UBE2S: variants seen among roughly 807,000 people sequenced by gnomAD.
UBE2S encodes ubiquitin-conjugating enzyme E2 S.
A neutral mutation model predicts 12.3 loss-of-function variants in UBE2S; 3 were observed. The observed-to-expected ratio is 0.24, with a 90% CI of 0.11 to 0.63. The LOEUF (loss-of-function observed/expected upper bound fraction) is 0.63. Ranked by LOEUF, UBE2S falls within the 30% of genes least tolerant of loss-of-function variation. UBE2S has a pLI of 0.85. For missense variants in UBE2S, 211 were observed against 313.9 expected (o/e 0.67, Z 2.48); for synonymous variants, 133 against 142.0 (o/e 0.94, Z 0.45).
At position 55,404,430 on chromosome 19, in the gene UBE2S, C is replaced by T; in HGVS notation, c.200G>A (p.Gly67Glu). ...GGGTGGGGAGGCAGGGAAGTCCTTC[C>T]CCAGCAGGAGTTTCATGCGGAACAG... ...GGLFRMKLLL[G>E]KDFPASPPKG... Residue 67 changes from glycine (G) to glutamate (E), a missense_variant, in exon 3 of 4, where the codon GGG becomes GAG. Gly to Glu is a moderately conservative substitution (Grantham distance 98). This residue lies in a region of UBE2S where 127 missense variants were observed against 224.0 expected (regional missense o/e 0.57). Coordinates refer to ENST00000264552, the MANE Select transcript of UBE2S (RefSeq NM_014501.3). This position sits in a 1 kb window ranked among gnomAD's most constrained non-coding sequence, Gnocchi z 4.4. 2 of 1,612,756 alleles carry T rather than the reference C, an allele frequency of 1.2e-6. No homozygotes were observed. The highest frequency in any genetic ancestry group is 1.7e-6 in the Non-Finnish European group (2 of 1,179,240).
chr19:55,404,119 G>A lies in UBE2S; in HGVS notation c.342+169C>T. The A allele has an allele frequency of 2.4e-6, 2 of 837,358 alleles. No homozygotes were observed. Among genetic ancestry groups the A allele is most frequent in the Middle Eastern group, 3.6e-4 (1 of 2,746 alleles). The allele number at this position is 837,358 out of a possible 1,614,324, so 51.9% of individuals were successfully genotyped here. ...TCTCAACAGTACTTGGGTGTCCTGGGTCTGGCACTGTTTGTCTTTCCAGGA... is the reference window on the plus strand; with the variant it reads ...TCTCAACAGTACTTGGGTGTCCTGGATCTGGCACTGTTTGTCTTTCCAGGA... On this transcript the variant is annotated intron_variant, in intron 3 of 3. Coordinates refer to ENST00000264552, the MANE Select transcript of UBE2S (RefSeq NM_014501.3). This position sits in a 1 kb window ranked among gnomAD's most constrained non-coding sequence, Gnocchi z 4.4.
chr19:55,404,246 A>AGAGGCAGGAGGCAG lies in UBE2S; in HGVS notation c.342+28_342+41dup, dbSNP rs533831995. The stretch of plus-strand genomic sequence containing the variant: ...ATGGCTCAGACACCAGCAGACCTCC[A>AGAGGCAGGAGGCAG]GAGGCAGGAGGCAGGAGGCCCAGCC... On this transcript the variant is annotated intron_variant, in intron 3 of 3. Transcript: ENST00000264552. The surrounding 1 kb of genome is among the most constrained non-coding windows in gnomAD (Gnocchi z 4.4). The AGAGGCAGGAGGCAG allele has an allele frequency of 2.7e-3, 4,269 of 1,608,154 alleles. 103 individuals carry two copies. In the African/African-American group the frequency reaches 0.049, roughly 19 times the overall value.
intron 2 of UBE2S, among the ~76,000 whole-genome samples, chr19:55,405,941 C>G (rs374252319): frequency 6.6e-6 from 1 of 152,172 alleles, no homozygotes; most frequent in Non-Finnish European, 1.5e-5. Context: ...CTGGGTTCTT[C>G]CCCCTGCCAG....
In UBE2S at chr19:55,400,272, ACCT is replaced by A. The variant is rs1373413211; in HGVS notation, c.*1161_*1163del. ...ACTCCTGGCCTCAAGTGATCCTTTC[ACCT>A]CCTAAAGTTGGGATTACAGGCGTGA... On this transcript the variant is annotated 3_prime_UTR_variant, in exon 4 of 4. Transcript: ENST00000264552. The A allele has an allele frequency of 6.6e-6, 1 of 151,804 alleles. No homozygotes were observed. Among genetic ancestry groups the A allele is most frequent in the African/African-American group, 2.4e-5 (1 of 41,294 alleles). The allele number at this position is 151,804 out of a possible 1,614,324, so 9.4% of individuals were successfully genotyped here.
chr19:55,401,628 G>T lies in UBE2S; in HGVS notation c.477C>A (p.Gly159=). ...CGGCTTCGGCCCTGCCGCTGGGCCC[G>T]CCGGCGCCCCCGTGGATCTCTGTGA... ...RLLTEIHGGA[G]GPSGRAEAGR... Residue 159 remains glycine (G), a synonymous_variant, in exon 4 of 4, where the codon GGC becomes GGA. Coordinates refer to ENST00000264552, the MANE Select transcript of UBE2S (RefSeq NM_014501.3). The T allele has an allele frequency of 3.7e-6, 6 of 1,605,952 alleles. No homozygotes were observed. Among genetic ancestry groups the T allele is most frequent in the Non-Finnish European group, 5.1e-6 (6 of 1,177,276 alleles).
At chr19:55,407,109 T>C in intron 1 of UBE2S, 147 bp from the exon 2 acceptor site, 3 of 1,008,164 alleles carry the variant, frequency 3.0e-6, no homozygotes, top group Non-Finnish European at 2.8e-6. Flanking sequence ...CCCAGGATGC[T>C]TCAGGCCATC....
At chr19:55,407,085 C>CCTG in intron 1 of UBE2S, 123 bp from the exon 2 acceptor site, 1 of 1,198,332 alleles carries the variant, frequency 8.3e-7, no homozygotes. Context: ...CACCCTTGAA[C>CCTG]TCCCAGACCC....
Position 55,404,490 on chromosome 19 carries a change from G to C in UBE2S, c.152-12C>G. On this transcript the variant is annotated splice_polypyrimidine_tract_variant and intron_variant, in intron 2 of 3. Transcript: ENST00000264552. The surrounding 1 kb of genome is among the most constrained non-coding windows in gnomAD (Gnocchi z 4.4). ...ATATGGGGTCCCCTCTGGAGTGGAGGGAGGGGTACAGGGTCAGGGCACTCA... is the reference window on the plus strand; with the variant it reads ...ATATGGGGTCCCCTCTGGAGTGGAGCGAGGGGTACAGGGTCAGGGCACTCA... The C allele has an allele frequency of 3.8e-6, 6 of 1,595,734 alleles. No individual in the cohort carries two copies. Among genetic ancestry groups the C allele is most frequent in the Non-Finnish European group, 5.1e-6 (6 of 1,170,130 alleles).
Position 55,400,490 on chromosome 19 carries a change from TTAAG to T in UBE2S, c.*942_*945del, listed in dbSNP as rs1392637875. 2 of 152,212 alleles carry T rather than the reference TTAAG, an allele frequency of 1.3e-5. No individual in the cohort carries two copies. The highest frequency in any genetic ancestry group is 2.9e-5 in the Non-Finnish European group (2 of 68,034). The allele number at this position is 152,212 out of a possible 1,614,324, so 9.4% of individuals were successfully genotyped here. A position where few individuals can be genotyped will look rare whatever the true frequency, so the allele number is the denominator to read the frequency against. ...ACCCCTGTGATTTAGTCATTATCAC[TTAAG>T]TATCTGGATGGGCCTGACCTAATCC... On this transcript the variant is annotated 3_prime_UTR_variant, in exon 4 of 4. Transcript: ENST00000264552.
intron 1 of UBE2S, 130 bp from the exon 2 acceptor site, chr19:55,407,092 A>AC: frequency 8.9e-7 from 1 of 1,123,614 alleles, no homozygotes; most frequent in Non-Finnish European, 1.2e-6. Flanking sequence ...GAACTCCCAG[A>AC]CCCTCACCCA....
rs1024009471 is a variant in UBE2S, at chr19:55,402,878, C to A, written c.343-1116G>T. ...TCCCCATGGCAGGAAACCCCAATTC[C>A]CCACCCTCTCTGCCATGTGCCCCAG... On this transcript the variant is annotated intron_variant, in intron 3 of 3. Transcript: ENST00000264552. 125 of 1,382,592 alleles carry A rather than the reference C, an allele frequency of 9.0e-5. 3 individuals carry two copies. In the South Asian group the frequency reaches 1.7e-3, roughly 19 times the overall value. 85.6% of individuals were successfully genotyped at this position (1,382,592 alleles called of 1,614,324 possible).
At chr19:55,407,532 T>C in intron 1 of UBE2S, 55 bp downstream of exon 1, 1 of 1,521,738 alleles carries the variant, frequency 6.6e-7, no homozygotes. Context: ...AGACTCCACC[T>C]CCTCCCTCAG....
Position 55,401,366 on chromosome 19 carries a change from A to G in UBE2S, c.*70T>C. ...CCCGACCCCAGCCATAATTTAAATA[A>G]CTTAGAGACAGAGTTGGAGGGAGGG... is the stretch of plus-strand genomic sequence containing the variant. On this transcript the variant is annotated 3_prime_UTR_variant, in exon 4 of 4. Coordinates refer to ENST00000264552, the MANE Select transcript of UBE2S (RefSeq NM_014501.3). 9.4e-7 allele frequency: 1 copy of G among 1,059,614 alleles called. No homozygotes were observed. Among genetic ancestry groups the G allele is most frequent in the Non-Finnish European group, 1.4e-6 (1 of 739,554 alleles). 65.6% of individuals were successfully genotyped at this position (1,059,614 alleles called of 1,614,324 possible).
chr19:55,401,782 G>A lies in UBE2S; in HGVS notation c.343-20C>T. On this transcript the variant is annotated intron_variant, in intron 3 of 3. Coordinates refer to ENST00000264552, the MANE Select transcript of UBE2S (RefSeq NM_014501.3). Reference sequence around the variant, plus strand: ...GATGGTCTGTGGGAAGAGGCTCAGGGTCACAGTGGGTCGGGCAACCTACAG... The same window carrying A: ...GATGGTCTGTGGGAAGAGGCTCAGGATCACAGTGGGTCGGGCAACCTACAG... 2 of 1,612,652 alleles carry A rather than the reference G, an allele frequency of 1.2e-6. No homozygotes were observed. The highest frequency in any genetic ancestry group is 3.3e-4 in the Middle Eastern group (2 of 6,062).
chr19:55,401,680 T>C lies in UBE2S; in HGVS notation c.425A>G (p.Glu142Gly), dbSNP rs2090060028. 3 of 1,612,740 alleles carry C rather than the reference T, an allele frequency of 1.9e-6. No homozygotes were observed. Among genetic ancestry groups the C allele is most frequent in the Admixed American group, 1.7e-5 (1 of 59,978 alleles). ...EAGRLLLENY[E>G]EYAARARLLT... ...CAGACGGGCCCGAGCCGCATACTCC[T>C]CGTAGTTCTCCAAGAGCAGGCGGCC... The change falls in exon 4 of 4, where the codon GAG becomes GGG. Residue 142 changes from glutamate (E) to glycine (G), a missense_variant. Physicochemically the swap from Glu to Gly is moderately conservative, Grantham distance 98. Transcript: ENST00000264552.
At chr19:55,407,030 G>A (rs186636779) in intron 1 of UBE2S, 68 bp from the exon 2 acceptor site, 224 of 1,559,398 alleles carry the variant, frequency 1.4e-4, no homozygotes, top group Non-Finnish European at 2.6e-5. Flanking sequence ...GCCTAAAGAT[G>A]CTGAGACTGC....
intron 3 of UBE2S, chr19:55,403,170 T>TG (rs750025749): frequency 2.9e-6 from 2 of 684,874 alleles, no homozygotes; most frequent in South Asian, 1.6e-5. Context: ...TAATACCCCT[T>TG]GGGGGGCAAA....
Position 55,404,152 on chromosome 19 carries a change from C to A in UBE2S, c.342+136G>T. 8.5e-7 allele frequency: 1 copy of A among 1,173,162 alleles called. No individual in the cohort carries two copies. Among genetic ancestry groups the A allele is most frequent in the Non-Finnish European group, 1.2e-6 (1 of 830,856 alleles). The allele number at this position is 1,173,162 out of a possible 1,614,324, so 72.7% of individuals were successfully genotyped here. A position where few individuals can be genotyped will look rare whatever the true frequency, so the allele number is the denominator to read the frequency against. ...CTGTTTGTCTTTCCAGGAAAGCTAG[C>A]AACATGGATTTTTATGTGGAAACCT... On this transcript the variant is annotated intron_variant, in intron 3 of 3. Transcript: ENST00000264552. This position sits in a 1 kb window ranked among gnomAD's most constrained non-coding sequence, Gnocchi z 4.4.
intron 1 of UBE2S, 45 bp from the exon 2 acceptor site, chr19:55,407,007 G>C (rs1804767267): frequency 6.3e-7 from 1 of 1,598,688 alleles, no homozygotes. Flanking sequence ...TTAAGAGCTG[G>C]GCTTCCCGCA....
Sources: allele counts gnomAD v4.1 joint callset (sites outside exome capture counted in the v4.1 genomes callset), GRCh38; gene constraint gnomAD v4.1.1; regional missense constraint gnomAD v4.1.1; non-coding constraint Gnocchi (gnomAD v3.1); transcripts MANE v1.5; gene names NCBI Gene and HGNC (gene_info 2026-07-23, HGNC 2026-07-21).